DENND4C: variants seen among roughly 807,000 people sequenced by gnomAD.
The protein encoded by DENND4C is DENN domain-containing protein 4C.
A neutral mutation model predicts 203.0 loss-of-function variants in DENND4C; 108 were observed. The observed-to-expected ratio is 0.53, with a 90% CI of 0.46 to 0.62. The LOEUF is 0.62. DENND4C is among the 20% of genes least tolerant of loss of function. The pLI is 0.00. For synonymous variants in DENND4C, 871 were observed against 792.4 expected (o/e 1.10, Z -1.67); for missense variants, 2,481 against 2,301.2 (o/e 1.08, Z -1.60).
chr9:19,286,984 C>T lies in DENND4C; in HGVS notation c.521C>T (p.Thr174Ile), dbSNP rs1424669840. The T allele has an allele frequency of 1.9e-5, 23 of 1,231,974 alleles. No homozygotes were observed. The highest frequency in any genetic ancestry group is 6.2e-5 in the African/African-American group (4 of 64,414). 76.3% of individuals were successfully genotyped at this position (1,231,974 alleles called of 1,614,324 possible). The change falls in exon 3 of 33, where the codon ACC becomes ATC. Residue 174 changes from threonine (T) to isoleucine (I), a missense_variant. Coordinates refer to ENST00000434457, the MANE Select transcript of DENND4C (RefSeq NM_001330640.2). ...VTSKGETPPH[T>I]FCKVDKNLNC... ...AGTAAAGGAGAAACTCCTCCTCATA[C>T]CTTCTGCAAAGTTGACAAAAACTTA...
At chr9:19,313,100 A>G (rs1841068378) in intron 10 of DENND4C, among the ~76,000 whole-genome samples, 1 of 151,576 alleles carries the variant, frequency 6.6e-6, no homozygotes, top group Non-Finnish European at 1.5e-5. Context: ...TTTTTTTCCC[A>G]TCTACTTACC....
rs541280307 is a variant in DENND4C, at chr9:19,319,638, G to A, written c.1807+2799G>A. Among the ~76,000 whole-genome samples the A allele has an allele frequency of 9.2e-5, 14 of 151,610 alleles. 1 individual carries two copies. The South Asian group carries it at 2.7e-3, about 29-fold the overall frequency. The stretch of plus-strand genomic sequence containing the variant: ...GCCAGATGAAGAATATGGATTGTAC[G>A]GAAGTGACATCACTAAAGGAATTTG... On this transcript the variant is annotated intron_variant, in intron 12 of 32. Coordinates refer to ENST00000434457, the MANE Select transcript of DENND4C (RefSeq NM_001330640.2).
chr9:19,292,103 C>T (rs1048528850), intron 5 of DENND4C, among the ~76,000 whole-genome samples: 1 of 152,036 alleles, frequency 6.6e-6, no homozygotes, highest in African/African-American at 2.4e-5. Flanking sequence ...CGGCTCACTG[C>T]AACCTCCACC....
chr9:19,233,035 A>AT (rs1292814186), intron 1 of DENND4C, among the ~76,000 whole-genome samples: 1 of 138,374 alleles, frequency 7.2e-6, no homozygotes, highest in Non-Finnish European at 1.6e-5. Flanking sequence ...AGGCTGCCTG[A>AT]TTAAAAAAAA....
Position 19,305,418 on chromosome 9 carries a change from C to T in DENND4C, c.1378C>T (p.Leu460Phe), listed in dbSNP as rs1839460334. The change falls in exon 10 of 33, where the codon CTT (leucine) becomes TTT (phenylalanine). Residue 460 changes from leucine to phenylalanine, a missense_variant. Leu to Phe is a conservative substitution (Grantham distance 22). Around this residue, in one of 3 missense-constraint regions of DENND4C, gnomAD observed 2,289 missense variants for 2,113.3 expected, o/e 1.08. Transcript: ENST00000434457. ...PLCPLSLAAVLSAPLPFIVGV... is the reference protein window; with the variant it reads ...PLCPLSLAAVFSAPLPFIVGV... The stretch of plus-strand genomic sequence containing the variant: ...TTGTCCTCTTTCACTGGCTGCAGTG[C>T]TTAGTGCACCTTTACCATTTATAGT... 6.2e-7 allele frequency: 1 copy of T among 1,613,916 alleles called. No individual in the cohort carries two copies. The highest frequency in any genetic ancestry group is 1.7e-5 in the Admixed American group (1 of 60,022).
intron 30 of DENND4C, 149 bp from the exon 31 acceptor site, chr9:19,369,688 G>T (rs1488097341): frequency 2.8e-6 from 1 of 352,102 alleles, no homozygotes; most frequent in Non-Finnish European, 4.7e-6. Context: ...GATCACTTGA[G>T]CCTGGGAGAC....
At chr9:19,280,307 C>G (rs867369821) in intron 2 of DENND4C, among the ~76,000 whole-genome samples, 1 of 152,020 alleles carries the variant, frequency 6.6e-6, no homozygotes, top group African/African-American at 2.4e-5. Flanking sequence ...CCACCACGCC[C>G]AGCTAACTTT....
rs116276207 is a variant in DENND4C at position 19,311,962 on chromosome 9, C to T, written c.1488-4455C>T. Reference sequence around the variant, plus strand: ...CCTAACATTTTATTTTGTATGAAATCATGTTTGTTCAAAATAGAAAAAGAA... The same window carrying T: ...CCTAACATTTTATTTTGTATGAAATTATGTTTGTTCAAAATAGAAAAAGAA... On this transcript the variant is annotated intron_variant, in intron 10 of 32. Transcript: ENST00000434457. Among the ~76,000 whole-genome samples, 1,076 of 152,174 alleles carry T rather than the reference C, an allele frequency of 7.1e-3. 12 individuals carry two copies. The highest frequency in any genetic ancestry group is 0.024 in the African/African-American group (985 of 41,522).
At chr9:19,278,664 C>T in intron 2 of DENND4C, among the ~76,000 whole-genome samples, 1 of 152,154 alleles carries the variant, frequency 6.6e-6, no homozygotes, top group African/African-American at 2.4e-5. Flanking sequence ...GATGATTTGT[C>T]TTTATCTTAC....
intron 2 of DENND4C, among the ~76,000 whole-genome samples, chr9:19,282,773 G>A (rs1241069419): frequency 7.6e-6 from 1 of 131,098 alleles, no homozygotes; most frequent in Non-Finnish European, 1.5e-5. Flanking sequence ...CTGGAGTGCA[G>A]TGGTATGATT....
chr9:19,355,087 T>C (rs1052689834), intron 26 of DENND4C, among the ~76,000 whole-genome samples: 8 of 151,572 alleles, frequency 5.3e-5, no homozygotes, highest in African/African-American at 1.7e-4. Flanking sequence ...TTTTTTTGTA[T>C]TTTTGGTAGA....
intron 1 of DENND4C, among the ~76,000 whole-genome samples, chr9:19,273,494 A>C (rs569537584): frequency 2.0e-5 from 3 of 152,180 alleles, no homozygotes; most frequent in African/African-American, 7.2e-5. Context: ...GAGAATAAAA[A>C]CACAAGCCGC....
At chr9:19,257,869 C>T (rs1828372299) in intron 1 of DENND4C, among the ~76,000 whole-genome samples, 1 of 152,160 alleles carries the variant, frequency 6.6e-6, no homozygotes, top group Admixed American at 6.6e-5. Context: ...GTGGCTCATT[C>T]CTGTAATCCC....
chr9:19,323,105 G>A (rs1843155862), intron 12 of DENND4C, among the ~76,000 whole-genome samples: 1 of 152,056 alleles, frequency 6.6e-6, no homozygotes, highest in Non-Finnish European at 1.5e-5. Flanking sequence ...AGGAATTCGA[G>A]ACCAGCCTTG....
rs374260370 is a variant in DENND4C, at chr9:19,373,250, C to A, written c.*1077C>A. 1 of 152,212 alleles carries A rather than the reference C, an allele frequency of 6.6e-6. No homozygotes were observed. The highest frequency in any genetic ancestry group is 1.5e-5 in the Non-Finnish European group (1 of 68,028). The allele number at this position is 152,212 out of a possible 1,614,324, so 9.4% of individuals were successfully genotyped here. A position where few individuals can be genotyped will look rare whatever the true frequency, so the allele number is the denominator to read the frequency against. On this transcript the variant is annotated 3_prime_UTR_variant, in exon 33 of 33. Transcript: ENST00000434457. Reference sequence around the variant, plus strand: ...GGGTTTTATCTTGATTATCCAGTTACTTCCATCCTCTTCCCAATGTTAATT... The same window carrying A: ...GGGTTTTATCTTGATTATCCAGTTAATTCCATCCTCTTCCCAATGTTAATT...
rs145548995 is a variant in DENND4C, at chr9:19,300,927, C to A, written c.1311+596C>A. On this transcript the variant is annotated intron_variant, in intron 9 of 32. Transcript: ENST00000434457. ...AGGCATGGTGGCTTACACCTGTAATCCCAGCAATTTGGGAGGCTGAGGTAG... is the reference window on the plus strand; with the variant it reads ...AGGCATGGTGGCTTACACCTGTAATACCAGCAATTTGGGAGGCTGAGGTAG... Among the ~76,000 whole-genome samples the A allele has an allele frequency of 7.7e-4, 118 of 152,294 alleles. No individual in the cohort carries two copies. The East Asian group carries it at 0.016, about 21-fold the overall frequency.
intron 22 of DENND4C, 73 bp downstream of exon 22, chr9:19,342,852 T>C: frequency 7.9e-7 from 1 of 1,265,388 alleles, no homozygotes; most frequent in Non-Finnish European, 1.0e-6. Context: ...TTTAATGACA[T>C]TAAATTTTTG....
chr9:19,356,531 G>A (rs1825430532), intron 26 of DENND4C, among the ~76,000 whole-genome samples: 1 of 151,374 alleles, frequency 6.6e-6, no homozygotes, highest in South Asian at 2.1e-4. Flanking sequence ...GAAACAAGAT[G>A]GAGATTTATA....
chr9:19,300,063 A>T (rs557630104), intron 8 of DENND4C, 124 bp from the exon 9 acceptor site: 2 of 988,290 alleles, frequency 2.0e-6, no homozygotes, highest in East Asian at 5.6e-5. Flanking sequence ...CTTTTCATTG[A>T]TAAATAAGTA....
Sources: allele counts gnomAD v4.1 joint callset (sites outside exome capture counted in the v4.1 genomes callset), GRCh38; gene constraint gnomAD v4.1.1; regional missense constraint gnomAD v4.1.1; transcripts MANE v1.5; gene names NCBI Gene and HGNC (gene_info 2026-07-23, HGNC 2026-07-21).